CLIP4: variants seen among roughly 807,000 people sequenced by gnomAD.
The protein encoded by CLIP4 is CAP-Gly domain-containing linker protein 4.
Under a neutral mutation model 73.1 loss-of-function variants are expected in CLIP4, and 47 were observed. That is an observed-to-expected ratio of 0.64 (90% CI 0.51 to 0.82). CLIP4 has a LOEUF of 0.82. Ranked by LOEUF, CLIP4 falls within the 40% of genes least tolerant of loss-of-function variation. The pLI is 0.00. For synonymous variants in CLIP4, 306 were observed against 295.4 expected (o/e 1.04, Z -0.37); for missense variants, 874 against 852.9 (o/e 1.02, Z -0.31).
intron 1 of CLIP4, among the ~76,000 whole-genome samples, chr2:29,110,301 A>G (rs6710742): frequency 1.3e-5 from 2 of 152,166 alleles, no homozygotes; most frequent in African/African-American, 4.8e-5. Flanking sequence ...AAGGAGATGG[A>G]TTAGAGGAGG....
chr2:29,132,933 A>G (rs1222064762), intron 4 of CLIP4, among the ~76,000 whole-genome samples: 1 of 152,212 alleles, frequency 6.6e-6, no homozygotes. Context: ...TACACCTGTA[A>G]TCCCAACACT....
rs1371363700 is a variant in CLIP4 at position 29,152,841 on chromosome 2, A to G, written c.1165+13A>G. 5 of 1,610,192 alleles carry G rather than the reference A, an allele frequency of 3.1e-6. No individual in the cohort carries two copies. In the Admixed American group the frequency reaches 5.1e-5, roughly 16 times the overall value. On this transcript the variant is annotated intron_variant, in intron 9 of 15. Coordinates refer to ENST00000320081, the MANE Select transcript of CLIP4 (RefSeq NM_024692.6). ...AAAGTAAATACTGGTAGGTCAAACCAGAAAGTTAACCATCTGCTTCAGTGT... is the reference window on the plus strand; with the variant it reads ...AAAGTAAATACTGGTAGGTCAAACCGGAAAGTTAACCATCTGCTTCAGTGT...
At chr2:29,166,542 C>G (rs1172604912) in intron 13 of CLIP4, among the ~76,000 whole-genome samples, 1 of 151,672 alleles carries the variant, frequency 6.6e-6, no homozygotes, top group Non-Finnish European at 1.5e-5. Context: ...CACACACACA[C>G]ACACACACAC....
At chr2:29,168,698 A>G (rs1667796893) in intron 14 of CLIP4, among the ~76,000 whole-genome samples, 1 of 150,366 alleles carries the variant, frequency 6.7e-6, no homozygotes, top group African/African-American at 2.4e-5. Flanking sequence ...AATTTTTTGT[A>G]TTTTTAGTAG....
intron 14 of CLIP4, among the ~76,000 whole-genome samples, chr2:29,169,564 T>A (rs1214255497): frequency 5.9e-5 from 9 of 152,226 alleles, no homozygotes; most frequent in Non-Finnish European, 1.2e-4. Context: ...AAATTCAGCC[T>A]GTAACAGATG....
In CLIP4 at chr2:29,181,766, A is replaced by G; in HGVS notation, c.1991A>G (p.Lys664Arg). The G allele has an allele frequency of 6.2e-7, 1 of 1,614,186 alleles. No homozygotes were observed. Residue 664 changes from lysine to arginine, a missense_variant, in exon 16 of 16, where the codon AAA becomes AGA. Transcript: ENST00000320081. ...CTTGAGCTCCGAAGCGCCAAGGGAAAAAATGATGGGTCAGTGGGTGACAAG... is the reference window on the plus strand; with the variant it reads ...CTTGAGCTCCGAAGCGCCAAGGGAAGAAATGATGGGTCAGTGGGTGACAAG... ...LGLELRSAKG[K>R]NDGSVGDKRY...
upstream of CLIP4, among the ~76,000 whole-genome samples, chr2:29,111,724 T>G (rs939949589): frequency 2.5e-4 from 38 of 152,256 alleles, no homozygotes; most frequent in African/African-American, 8.7e-4. Flanking sequence ...TTCTTCCAAT[T>G]TGTCAGCCAT....
Position 29,160,473 on chromosome 2 carries a change from T to A in CLIP4, c.1534+6T>A. 6.2e-7 allele frequency: 1 copy of A among 1,613,464 alleles called. No individual in the cohort carries two copies. Among genetic ancestry groups the A allele is most frequent in the Non-Finnish European group, 8.5e-7 (1 of 1,179,748 alleles). ...GACAACAAACTTCGCTCCAGGTAACTCATCTGCATATTTTCTTAACTTGAA... is the reference window on the plus strand; with the variant it reads ...GACAACAAACTTCGCTCCAGGTAACACATCTGCATATTTTCTTAACTTGAA... On this transcript the variant is annotated splice_donor_region_variant and intron_variant, in intron 12 of 15. Transcript: ENST00000320081.
intron 8 of CLIP4, among the ~76,000 whole-genome samples, chr2:29,148,454 C>T (rs1219615713): frequency 6.6e-6 from 1 of 152,064 alleles, no homozygotes; most frequent in African/African-American, 2.4e-5. Context: ...AGTTTTAATA[C>T]TTGGTGGTAT....
chr2:29,101,118 T>C (rs1668030224), intron 1 of CLIP4, among the ~76,000 whole-genome samples: 1 of 152,058 alleles, frequency 6.6e-6, no homozygotes. Context: ...GGTGAAACCC[T>C]GTCTCTACTA....
intron 15 of CLIP4, chr2:29,175,452 A>G (rs1668269237): frequency 6.6e-6 from 1 of 152,232 alleles, no homozygotes; most frequent in African/African-American, 2.4e-5. Flanking sequence ...GAATGGAAGA[A>G]GCTGCTAAGA....
At chr2:29,162,518 T>C (rs913379619) in intron 12 of CLIP4, among the ~76,000 whole-genome samples, 17 of 152,244 alleles carry the variant, frequency 1.1e-4, no homozygotes, top group African/African-American at 4.1e-4. Flanking sequence ...TTGTCATATG[T>C]ATTTCTGCTG....
intron 13 of CLIP4, among the ~76,000 whole-genome samples, chr2:29,167,113 A>G (rs1027430552): frequency 6.6e-6 from 1 of 152,204 alleles, no homozygotes; most frequent in Non-Finnish European, 1.5e-5. Context: ...TCAGCTTAAG[A>G]ATTAGTGCCT....
chr2:29,145,722 C>T (rs922488437), intron 8 of CLIP4, among the ~76,000 whole-genome samples: 4 of 152,228 alleles, frequency 2.6e-5, no homozygotes, highest in Non-Finnish European at 4.4e-5. Flanking sequence ...TGCTCTGTCG[C>T]CCAGGCTATA....
intron 1 of CLIP4, among the ~76,000 whole-genome samples, chr2:29,102,961 C>G (rs1054893020): frequency 6.6e-6 from 1 of 152,088 alleles, no homozygotes; most frequent in Non-Finnish European, 1.5e-5. Context: ...GACCTCAGCA[C>G]CCTCCCTAAA....
At chr2:29,145,848 ATTG>A (rs1250728804) in intron 8 of CLIP4, among the ~76,000 whole-genome samples, 1 of 152,118 alleles carries the variant, frequency 6.6e-6, no homozygotes, top group African/African-American at 2.4e-5. Context: ...TGGCTGGATA[ATTG>A]TTGTATTTTC....
intron 6 of CLIP4, among the ~76,000 whole-genome samples, chr2:29,138,635 C>G (rs780251802): frequency 6.6e-6 from 1 of 152,102 alleles, no homozygotes; most frequent in Non-Finnish European, 1.5e-5. Flanking sequence ...TTCTTCCAGT[C>G]CATGAGCATG....
intron 2 of CLIP4, among the ~76,000 whole-genome samples, chr2:29,124,992 C>T (rs559965982): frequency 6.6e-6 from 1 of 152,266 alleles, no homozygotes; most frequent in Admixed American, 6.5e-5. Context: ...TTGTTAGATG[C>T]TGGATATTTT....
At chr2:29,113,492 C>T (rs1036485956), upstream of CLIP4, among the ~76,000 whole-genome samples, 9 of 152,184 alleles carry the variant, frequency 5.9e-5, no homozygotes, top group South Asian at 2.1e-4. The surrounding 1 kb of genome is among the most constrained non-coding windows in gnomAD (Gnocchi z 4.0). Flanking sequence ...ATGACTCCAA[C>T]GAGCACTTGC....
Sources: allele counts gnomAD v4.1 joint callset (sites outside exome capture counted in the v4.1 genomes callset), GRCh38; gene constraint gnomAD v4.1.1; non-coding constraint Gnocchi (gnomAD v3.1); transcripts MANE v1.5; gene names NCBI Gene and HGNC (gene_info 2026-07-23, HGNC 2026-07-21).